The following INTS4 variants were observed in gnomAD, a reference collection of about 807,000 sequenced individuals.
The protein encoded by INTS4 is integrator complex subunit 4.
Under a neutral mutation model 119.5 loss-of-function variants are expected in INTS4, and 70 were observed. The ratio of observed to expected loss-of-function variants is 0.59; its 90% CI spans 0.48 to 0.71. INTS4 has a LOEUF of 0.71. INTS4 is among the 30% of genes least tolerant of loss of function. INTS4 has a pLI of 0.00. For missense variants in INTS4, 867 were observed against 1,173.2 expected (o/e 0.74, Z 3.81); for synonymous variants, 316 against 419.6 (o/e 0.75, Z 3.02).
intron 15 of INTS4, among the ~76,000 whole-genome samples, chr11:77,909,896 C>G (rs558467044): frequency 6.6e-6 from 1 of 152,260 alleles, no homozygotes; most frequent in South Asian, 2.1e-4. Flanking sequence ...CAGTGAGATA[C>G]CATCTCACAC....
Position 77,979,031 on chromosome 11 carries a change from C to T in INTS4, c.436G>A (p.Ala146Thr), listed in dbSNP as rs762182194. The change falls in exon 4 of 23, where the codon GCT (alanine) becomes ACT (threonine). Residue 146 changes from alanine (A) to threonine (T), a missense_variant. Coordinates refer to ENST00000534064, the MANE Select transcript of INTS4 (RefSeq NM_033547.4). ...ACATCAACTAATCGCATTTGGATAG[C>T]TTGATTCTCTGGTAGCTTAGTGCCA... ...AIGTKLPENQ[A>T]IQMRLVDVAC... The T allele has an allele frequency of 1.2e-5, 20 of 1,612,676 alleles. No homozygotes were observed. The South Asian group carries it at 2.1e-4, about 17-fold the overall frequency.
At chr11:77,912,380 G>A (rs146992674) in intron 15 of INTS4, among the ~76,000 whole-genome samples, 1 of 150,050 alleles carries the variant, frequency 6.7e-6, no homozygotes, top group Non-Finnish European at 1.5e-5. Flanking sequence ...AAAAAAAACA[G>A]CTGGATACAC....
At chr11:77,906,609 A>G (rs1056619891) in intron 16 of INTS4, among the ~76,000 whole-genome samples, 2 of 152,248 alleles carry the variant, frequency 1.3e-5, no homozygotes, top group Non-Finnish European at 2.9e-5. Context: ...TGGTGATTAC[A>G]CAGATATATA....
At chr11:77,891,485 A>C (rs1952263495) in intron 20 of INTS4, 23 bp from the exon 21 acceptor site, 1 of 1,612,868 alleles carries the variant, frequency 6.2e-7, no homozygotes, top group African/African-American at 1.3e-5. Context: ...GGAAAATCCT[A>C]TGATTTTAAA....
intron 1 of INTS4, among the ~76,000 whole-genome samples, chr11:77,992,920 T>C (rs1856756869): frequency 6.6e-6 from 1 of 152,254 alleles, no homozygotes; most frequent in Admixed American, 6.5e-5. Flanking sequence ...TCTCATTTAA[T>C]CACTTTATGT....
chr11:77,980,857 G>A (rs1219959887), intron 3 of INTS4, among the ~76,000 whole-genome samples: 1 of 152,092 alleles, frequency 6.6e-6, no homozygotes, highest in African/African-American at 2.4e-5. Flanking sequence ...CCAGGGCGTG[G>A]TGGCAGGCAC....
At chr11:77,896,830 A>C (rs1274542702) in intron 18 of INTS4, among the ~76,000 whole-genome samples, 48 of 152,044 alleles carry the variant, frequency 3.2e-4, no homozygotes, top group Non-Finnish European at 7.4e-5. Context: ...TCCCTGAGCC[A>C]AAAACAGCTG....
intron 2 of INTS4, among the ~76,000 whole-genome samples, chr11:77,989,015 A>G (rs972498764): frequency 1.3e-5 from 2 of 152,206 alleles, no homozygotes; most frequent in East Asian, 3.8e-4. Flanking sequence ...TAATTCTTAG[A>G]TGACATTAAA....
rs1270798309 is a variant in INTS4, at chr11:77,891,300, G to A, written c.2592+19C>T. ...CAATGTCAGTCTAGAAGCTCCATGA[G>A]GACCCAAACCCGACAGACCTGGACC... On this transcript the variant is annotated intron_variant, in intron 21 of 22. Transcript: ENST00000534064. The A allele has an allele frequency of 1.2e-6, 2 of 1,607,050 alleles. No individual in the cohort carries two copies. Among genetic ancestry groups the A allele is most frequent in the African/African-American group, 1.3e-5 (1 of 74,658 alleles).
rs1445470363 is a variant in INTS4, at chr11:77,928,524, C to T, written c.1189G>A (p.Ala397Thr). The stretch of plus-strand genomic sequence containing the variant: ...GAAGACTGGGCCAACATGCAGAGGG[C>T]CTCCACAGCAGCAATACGAACCTCT... ...MYEVRIAAVE[A>T]LCMLAQSSPS... The change falls in exon 11 of 23, where the codon GCC (alanine) becomes ACC (threonine). Residue 397 changes from alanine to threonine, a missense_variant. Around this residue, in one of 5 missense-constraint regions of INTS4, gnomAD observed 208 missense variants for 306.6 expected, o/e 0.68. Transcript: ENST00000534064. The T allele has an allele frequency of 1.9e-6, 3 of 1,588,378 alleles. No individual in the cohort carries two copies. Among genetic ancestry groups the T allele is most frequent in the African/African-American group, 1.4e-5 (1 of 74,050 alleles).
At chr11:77,896,497 A>G (rs1952524299) in intron 18 of INTS4, among the ~76,000 whole-genome samples, 1 of 152,092 alleles carries the variant, frequency 6.6e-6, no homozygotes, top group South Asian at 2.1e-4. Flanking sequence ...TACTAAAAAT[A>G]CAAAATTAGC....
chr11:77,933,288 T>C (rs1332192596), intron 10 of INTS4, among the ~76,000 whole-genome samples: 2 of 151,942 alleles, frequency 1.3e-5, no homozygotes, highest in Non-Finnish European at 2.9e-5. Flanking sequence ...AGCTGGACTG[T>C]ACTGCCACCA....
intron 8 of INTS4, among the ~76,000 whole-genome samples, chr11:77,949,153 T>TG (rs1954124469): frequency 6.6e-6 from 1 of 152,092 alleles, no homozygotes; most frequent in Non-Finnish European, 1.5e-5. Flanking sequence ...ATCTTGTCAT[T>TG]TGCCACATCG....
chr11:77,957,813 C>T (rs1954369332), intron 7 of INTS4, among the ~76,000 whole-genome samples: 2 of 151,460 alleles, frequency 1.3e-5, no homozygotes, highest in Admixed American at 6.6e-5. Context: ...GGATTACAGG[C>T]GTGTGCCACC....
chr11:77,960,868 A>C, intron 5 of INTS4, 85 bp downstream of exon 5: 2 of 1,207,670 alleles, frequency 1.7e-6, no homozygotes, highest in Non-Finnish European at 2.3e-6. Flanking sequence ...TGAAGAATTT[A>C]CAATGTATCC....
At chr11:77,947,031 T>C (rs1401814549) in intron 8 of INTS4, among the ~76,000 whole-genome samples, 5 of 148,622 alleles carry the variant, frequency 3.4e-5, no homozygotes, top group African/African-American at 1.2e-4. Context: ...AATTGAGAGC[T>C]TCAACAATAG....
intron 8 of INTS4, among the ~76,000 whole-genome samples, chr11:77,954,653 C>T (rs554170708): frequency 1.1e-4 from 17 of 152,200 alleles, no homozygotes; most frequent in Non-Finnish European, 2.4e-4. Flanking sequence ...AGGAATTAGA[C>T]TCTCACAAGG....
intron 10 of INTS4, among the ~76,000 whole-genome samples, chr11:77,930,946 G>A (rs1953633525): frequency 6.6e-6 from 1 of 152,078 alleles, no homozygotes; most frequent in South Asian, 2.1e-4. Context: ...ATGTATAATT[G>A]GATCCAGACT....
intron 10 of INTS4, among the ~76,000 whole-genome samples, chr11:77,930,330 T>G (rs1231816071): frequency 6.6e-6 from 1 of 152,230 alleles, no homozygotes; most frequent in African/African-American, 2.4e-5. Flanking sequence ...TGATTCAGGT[T>G]TTTCTTGGTA....
Sources: allele counts gnomAD v4.1 joint callset (sites outside exome capture counted in the v4.1 genomes callset), GRCh38; gene constraint gnomAD v4.1.1; regional missense constraint gnomAD v4.1.1; transcripts MANE v1.5; gene names NCBI Gene and HGNC (gene_info 2026-07-23, HGNC 2026-07-21).